NFIA: variants seen among roughly 807,000 people sequenced by gnomAD.
NFIA encodes the protein nuclear factor 1 A-type.
NFIA carries 8 observed loss-of-function variants against 62.8 expected under a neutral mutation model. The observed-to-expected ratio is 0.13, with a 90% CI of 0.07 to 0.23. The LOEUF (loss-of-function observed/expected upper bound fraction) is 0.23, where lower values mean the gene tolerates loss of function less well. NFIA is among the 10% of genes least tolerant of loss of function. The pLI, the probability that NFIA is intolerant of heterozygous loss-of-function variation, is 1.00. For synonymous variants in NFIA, 235 were observed against 238.1 expected, an observed-to-expected ratio of 0.99 and a Z score of 0.12; for missense variants, 410 against 642.1, an observed-to-expected ratio of 0.64 and a Z score of 3.91.
Position 61,460,077 on chromosome 1 carries a change from C to G in NFIA, c.*4757C>G, listed in dbSNP as rs1282659256. The G allele has an allele frequency of 1.3e-5, 2 of 152,302 alleles. No individual in the cohort carries two copies. The highest frequency in any genetic ancestry group is 1.9e-4 in the East Asian group (1 of 5,180). 9.4% of individuals were successfully genotyped at this position (152,302 alleles called of 1,614,324 possible). On this transcript the variant is annotated 3_prime_UTR_variant, in exon 11 of 11. Coordinates refer to ENST00000403491, the MANE Select transcript of NFIA (RefSeq NM_001134673.4). ...CAGTGGCACCTCAAAACCCACCCTT[C>G]GAGATCTGTCCAAAGACAGTCTCAG...
chr1:61,129,199 G>A (rs1469400848), intron 2 of NFIA, among the ~76,000 whole-genome samples: 1 of 151,966 alleles, frequency 6.6e-6, no homozygotes, highest in African/African-American at 2.4e-5. Context: ...TGGGATTACA[G>A]GTGTGAGCCA....
chr1:61,286,793 G>A (rs1658530471), intron 3 of NFIA, among the ~76,000 whole-genome samples: 2 of 152,226 alleles, frequency 1.3e-5, no homozygotes, highest in South Asian at 4.1e-4. Context: ...TGTGGGTACT[G>A]TCTTATAAAG....
At chr1:61,216,936 G>T (rs940497363) in intron 2 of NFIA, among the ~76,000 whole-genome samples, 3 of 151,904 alleles carry the variant, frequency 2.0e-5, no homozygotes, top group African/African-American at 7.2e-5. Flanking sequence ...GGAGGCAAAG[G>T]TTACAGTGAA....
intron 6 of NFIA, among the ~76,000 whole-genome samples, chr1:61,365,968 A>G (rs535667552): frequency 3.9e-4 from 59 of 152,330 alleles, no homozygotes; most frequent in African/African-American, 1.2e-3. Context: ...AATCTGGAGA[A>G]TAAGGGATAG....
At chr1:61,239,676 T>C (rs983709207) in intron 2 of NFIA, among the ~76,000 whole-genome samples, 1 of 152,160 alleles carries the variant, frequency 6.6e-6, no homozygotes, top group Admixed American at 6.5e-5. Context: ...TGAAACAGCA[T>C]CTTATAGAGG....
Position 61,232,183 on chromosome 1 carries a change from G to A in NFIA, c.560-45337G>A, listed in dbSNP as rs144841420. Among the ~76,000 whole-genome samples the A allele has an allele frequency of 2.8e-4, 42 of 152,144 alleles. No homozygotes were observed. In the East Asian group the frequency reaches 6.2e-3, roughly 22 times the overall value. On this transcript the variant is annotated intron_variant, in intron 2 of 10. Transcript: ENST00000403491. Reference sequence around the variant, plus strand: ...AGTTTTTCCCTTAATTTACTTCTACGTTTGTAGAAGTAAATATTGAGTAGG... The same window carrying A: ...AGTTTTTCCCTTAATTTACTTCTACATTTGTAGAAGTAAATATTGAGTAGG...
intron 2 of NFIA, among the ~76,000 whole-genome samples, chr1:61,226,993 G>T (rs1026881392): frequency 6.6e-6 from 1 of 152,280 alleles, no homozygotes; most frequent in East Asian, 1.9e-4. Context: ...TATACAAACT[G>T]CACAGCTACA....
At chr1:61,117,366 T>C (rs901261761) in intron 2 of NFIA, among the ~76,000 whole-genome samples, 4 of 152,178 alleles carry the variant, frequency 2.6e-5, no homozygotes, top group African/African-American at 4.8e-5. Context: ...TTCTAATGAA[T>C]CACTGGATTG....
intron 2 of NFIA, among the ~76,000 whole-genome samples, chr1:61,151,470 G>T (rs1208688359): frequency 1.3e-5 from 2 of 151,992 alleles, no homozygotes; most frequent in African/African-American, 2.4e-5. Flanking sequence ...TAGTCTGCGG[G>T]TGATTGATTT....
intron 2 of NFIA, among the ~76,000 whole-genome samples, chr1:61,181,276 T>G (rs887248021): frequency 6.6e-6 from 1 of 152,206 alleles, no homozygotes; most frequent in Non-Finnish European, 1.5e-5. Context: ...TAATTAAATA[T>G]GTATGTGTGA....
chr1:61,445,769 T>G (rs1344145457), intron 10 of NFIA, among the ~76,000 whole-genome samples: 1 of 152,234 alleles, frequency 6.6e-6, no homozygotes, highest in Non-Finnish European at 1.5e-5. Context: ...GTAATTATGC[T>G]CCTTACATTT....
rs560596173 is a variant in NFIA, at chr1:61,349,403, T to A, written c.701-3047T>A. Among the ~76,000 whole-genome samples, 14 of 152,306 alleles carry A rather than the reference T, an allele frequency of 9.2e-5. No homozygotes were observed. In the East Asian group the frequency reaches 2.7e-3, roughly 29 times the overall value. ...TATTAATCAAATAACTAAGTATTTA[T>A]TCTTAGAAATTGTTTTATTTCCTCA... On this transcript the variant is annotated intron_variant, in intron 4 of 10. Transcript: ENST00000403491.
At chr1:61,273,192 G>T (rs556180920) in intron 2 of NFIA, among the ~76,000 whole-genome samples, 3 of 152,262 alleles carry the variant, frequency 2.0e-5, no homozygotes, top group Admixed American at 2.0e-4. Context: ...CAGTCTACAG[G>T]CACCAGAATA....
intron 10 of NFIA, among the ~76,000 whole-genome samples, chr1:61,435,613 G>A (rs1472240415): frequency 6.6e-6 from 1 of 152,124 alleles, no homozygotes; most frequent in African/African-American, 2.4e-5. Flanking sequence ...TGTGCACCCT[G>A]CTAGCAAATT....
chr1:61,180,771 T>C (rs1650708929), intron 2 of NFIA, among the ~76,000 whole-genome samples: 1 of 152,220 alleles, frequency 6.6e-6, no homozygotes, highest in African/African-American at 2.4e-5. Flanking sequence ...CAAACCGTGT[T>C]ATTGGGCCAT....
At chr1:61,308,683 A>G (rs1192904066) in intron 3 of NFIA, among the ~76,000 whole-genome samples, 2 of 152,180 alleles carry the variant, frequency 1.3e-5, no homozygotes, top group African/African-American at 4.8e-5. Context: ...CAAGCAAATC[A>G]TTTAAACTTT....
chr1:61,379,911 C>T (rs1371711873), intron 6 of NFIA, among the ~76,000 whole-genome samples: 1 of 152,064 alleles, frequency 6.6e-6, no homozygotes, highest in Non-Finnish European at 1.5e-5. Context: ...TGCATTTGAC[C>T]TGTATTTTCA....
intron 7 of NFIA, among the ~76,000 whole-genome samples, chr1:61,393,244 C>CCTCTCTCTCTCTCTCTCTCT (rs766730638): frequency 3.4e-5 from 1 of 29,084 alleles, no homozygotes; most frequent in Admixed American, 4.8e-4. Flanking sequence ...TCGCCCTCTC[C>CCTCTCTCTCTCTCTCTCTCT]CTCTCTCTCT....
chr1:61,252,892 A>G (rs1026880775), intron 2 of NFIA, among the ~76,000 whole-genome samples: 2 of 152,220 alleles, frequency 1.3e-5, no homozygotes, highest in Admixed American at 1.3e-4. Context: ...TCTATTTTGT[A>G]TTCCTACTCT....
Sources: allele counts gnomAD v4.1 joint callset (sites outside exome capture counted in the v4.1 genomes callset), GRCh38; gene constraint gnomAD v4.1.1; transcripts MANE v1.5; gene names NCBI Gene and HGNC (gene_info 2026-07-23, HGNC 2026-07-21).